PRPF6: variants seen among roughly 807,000 people sequenced by gnomAD.
PRPF6 encodes the protein pre-mRNA processing factor 6.
In PRPF6, 42 loss-of-function variants were observed where a neutral mutation model predicts 118.3. That is an observed-to-expected ratio of 0.35 (90% CI 0.28 to 0.46). The LOEUF (loss-of-function observed/expected upper bound fraction) is 0.46, where lower values mean the gene tolerates loss of function less well. Ranked by LOEUF, PRPF6 falls within the 20% of genes least tolerant of loss-of-function variation. The probability of loss-of-function intolerance (pLI) is 1.00; values close to 1 mark genes in which losing one functional copy is unlikely to be tolerated. For synonymous variants in PRPF6, 481 were observed against 485.1 expected, an observed-to-expected ratio of 0.99 and a Z score of 0.11; for missense variants, 662 against 1,255.7, an observed-to-expected ratio of 0.53 and a Z score of 7.15.
At chr20:63,994,641 C>T (rs149884168) in intron 4 of PRPF6, among the ~76,000 whole-genome samples, 28 of 152,236 alleles carry the variant, frequency 1.8e-4, no homozygotes, top group African/African-American at 6.7e-4. Context: ...CATGGTGGCC[C>T]ACGCTTGTGG....
In PRPF6 at chr20:64,028,100, T is replaced by C. The variant is rs989116494; in HGVS notation, c.2339+364T>C. On this transcript the variant is annotated intron_variant, in intron 17 of 20. Coordinates refer to ENST00000266079, the MANE Select transcript of PRPF6 (RefSeq NM_012469.4). The surrounding 1 kb of genome is among the most constrained non-coding windows in gnomAD (Gnocchi z 6.5). ...ACAGGAGCCTGCTAGGTGCAGGCTC[T>C]GTTCATGGAGGTGCTGCGTCCAGCT... Among the ~76,000 whole-genome samples the C allele has an allele frequency of 1.3e-5, 2 of 152,160 alleles. No individual in the cohort carries two copies. The highest frequency in any genetic ancestry group is 4.8e-5 in the African/African-American group (2 of 41,430).
intron 13 of PRPF6, among the ~76,000 whole-genome samples, chr20:64,023,587 T>G (rs750691248): frequency 3.4e-5 from 5 of 149,062 alleles, no homozygotes; most frequent in African/African-American, 5.0e-5. Context: ...CTGGTGTGAT[T>G]TAATCTCAGC....
intron 20 of PRPF6, among the ~76,000 whole-genome samples, chr20:64,032,464 G>A (rs757486221): frequency 2.6e-5 from 4 of 152,114 alleles, no homozygotes; most frequent in East Asian, 1.9e-4. Flanking sequence ...AGAGCCAAGC[G>A]TTGTCTGAGC....
At chr20:64,023,122 C>T (rs760989441) in intron 13 of PRPF6, among the ~76,000 whole-genome samples, 1 of 152,194 alleles carries the variant, frequency 6.6e-6, no homozygotes, top group African/African-American at 2.4e-5. Flanking sequence ...CCCGGGGGCC[C>T]GTCCTGCTAA....
At chr20:64,008,164 A>G (rs2059199001) in intron 9 of PRPF6, among the ~76,000 whole-genome samples, 1 of 152,226 alleles carries the variant, frequency 6.6e-6, no homozygotes, top group African/African-American at 2.4e-5. Flanking sequence ...GGGCACATGC[A>G]TGCATAACCA....
chr20:63,986,599 C>G (rs187236745), intron 3 of PRPF6, among the ~76,000 whole-genome samples: 3,575 of 150,706 alleles, frequency 0.024, 142 homozygotes, highest in African/African-American at 0.083. Flanking sequence ...AGTGATTCTC[C>G]TGCCTCAGCC....
At chr20:63,990,201 G>A (rs1288983623) in intron 3 of PRPF6, among the ~76,000 whole-genome samples, 1 of 152,180 alleles carries the variant, frequency 6.6e-6, no homozygotes, top group Non-Finnish European at 1.5e-5. Context: ...TAAACTTGCT[G>A]CCTCGAGGAC....
intron 3 of PRPF6, among the ~76,000 whole-genome samples, chr20:63,989,953 A>C (rs2059111266): frequency 6.6e-6 from 1 of 152,108 alleles, no homozygotes; most frequent in South Asian, 2.1e-4. Flanking sequence ...TCCCAGGCTC[A>C]AGTGATTCTT....
intron 3 of PRPF6, among the ~76,000 whole-genome samples, chr20:63,988,774 C>T (rs2059105982): frequency 6.6e-6 from 1 of 151,246 alleles, no homozygotes; most frequent in Non-Finnish European, 1.5e-5. Context: ...GAGGCTGAGG[C>T]AGGAGAATCA....
chr20:63,984,437 T>A (rs1463173990), intron 2 of PRPF6, among the ~76,000 whole-genome samples: 3 of 151,106 alleles, frequency 2.0e-5, no homozygotes, highest in East Asian at 3.9e-4. Context: ...AAAAAAAAAA[T>A]TAGTTTTGAA....
At chr20:64,025,867 TTTGA>T in intron 14 of PRPF6, 68 bp from the exon 15 acceptor site, 1 of 1,611,810 alleles carries the variant, frequency 6.2e-7, no homozygotes. Flanking sequence ...CCTGCCTGCT[TTTGA>T]TTAAGTGTGA....
At position 63,999,596 on chromosome 20, in the gene PRPF6, C is replaced by G. The variant is rs2059157274; in HGVS notation, c.867-7C>G. The G allele has an allele frequency of 1.2e-6, 2 of 1,613,998 alleles. No homozygotes were observed. The highest frequency in any genetic ancestry group is 1.7e-6 in the Non-Finnish European group (2 of 1,180,040). ...GCCTGATGCCGTGTGCACTCTCCCTCTCATAGTGATATCAAGAAGGCGCGA... is the reference window on the plus strand; with the variant it reads ...GCCTGATGCCGTGTGCACTCTCCCTGTCATAGTGATATCAAGAAGGCGCGA... On this transcript the variant is annotated splice_region_variant and splice_polypyrimidine_tract_variant and intron_variant, in intron 7 of 20. Transcript: ENST00000266079.
intron 12 of PRPF6, among the ~76,000 whole-genome samples, chr20:64,018,348 G>T (rs760757648): frequency 6.6e-6 from 1 of 152,032 alleles, no homozygotes; most frequent in African/African-American, 2.4e-5. Context: ...TGAGGACCAC[G>T]GGCCAGTGAT....
Position 64,026,167 on chromosome 20 carries a change from GACC to G in PRPF6, c.2028+112_2028+114del, listed in dbSNP as rs2059289551. On this transcript the variant is annotated intron_variant, in intron 15 of 20. Transcript: ENST00000266079. This position sits in a 1 kb window ranked among gnomAD's most constrained non-coding sequence, Gnocchi z 4.4. Reference sequence around the variant, plus strand: ...GAGTGAGATGACGGCAGGCAAACGAGACCACAGCACACTCATCTTTGTGATGTG... The same window carrying G: ...GAGTGAGATGACGGCAGGCAAACGAGACAGCACACTCATCTTTGTGATGTG... 3 of 1,539,230 alleles carry G rather than the reference GACC, an allele frequency of 1.9e-6. No homozygotes were observed. In the African/African-American group the frequency reaches 4.1e-5, roughly 21 times the overall value.
In PRPF6 at chr20:64,016,144, C is replaced by T. The variant is rs571626825; in HGVS notation, c.1525-579C>T. On this transcript the variant is annotated intron_variant, in intron 11 of 20. Transcript: ENST00000266079. The stretch of plus-strand genomic sequence containing the variant: ...CTCTCTTTTTTTTTTTTTTCTGAGA[C>T]GTAGTCTTGCTCCGTTGCCCAGGCT... Among the ~76,000 whole-genome samples the T allele has an allele frequency of 1.4e-4, 21 of 149,758 alleles. No homozygotes were observed. In the South Asian group the frequency reaches 1.5e-3, roughly 10 times the overall value.
chr20:64,010,267 T>C lies in PRPF6; in HGVS notation c.1254T>C (p.Asp418=). 1 of 1,614,166 alleles carries C rather than the reference T, an allele frequency of 6.2e-7. No individual in the cohort carries two copies. Among genetic ancestry groups the C allele is most frequent in the Non-Finnish European group, 8.5e-7 (1 of 1,180,038 alleles). ...CCGTTGAGCTGGAAGAACCTGAAGA[T>C]GCTAGAATCATGCTGAGCCGAGCTG... ...KAAVELEEPE[D]ARIMLSRAVE... Residue 418 remains aspartate (D), a synonymous_variant, in exon 10 of 21, where the codon GAT becomes GAC. Transcript: ENST00000266079.
intron 9 of PRPF6, among the ~76,000 whole-genome samples, chr20:64,009,392 T>G (rs548782698): frequency 2.0e-5 from 3 of 151,634 alleles, no homozygotes; most frequent in Admixed American, 2.0e-4. Flanking sequence ...TCTTCACAAG[T>G]GCATGCACCC....
intron 6 of PRPF6, among the ~76,000 whole-genome samples, chr20:63,998,758 C>T (rs1297919074): frequency 2.7e-5 from 4 of 150,356 alleles, no homozygotes; most frequent in East Asian, 2.0e-4. Flanking sequence ...AGGAGGATGG[C>T]GTGAACCTGG....
chr20:63,985,032 G>T lies in PRPF6; in HGVS notation c.359+7G>T, dbSNP rs762663361. On this transcript the variant is annotated splice_region_variant and intron_variant, in intron 3 of 20. Coordinates refer to ENST00000266079, the MANE Select transcript of PRPF6 (RefSeq NM_012469.4). ...AAAGAAGAAAAGAAAGACGGTAAAAGAAATTGTTGCCTTTCACAATATTTA... is the reference window on the plus strand; with the variant it reads ...AAAGAAGAAAAGAAAGACGGTAAAATAAATTGTTGCCTTTCACAATATTTA... 5.6e-6 allele frequency: 9 copies of T among 1,607,676 alleles called. No homozygotes were observed. The highest frequency in any genetic ancestry group is 6.8e-6 in the Non-Finnish European group (8 of 1,175,368).
Sources: allele counts gnomAD v4.1 joint callset (sites outside exome capture counted in the v4.1 genomes callset), GRCh38; gene constraint gnomAD v4.1.1; non-coding constraint Gnocchi (gnomAD v3.1); transcripts MANE v1.5; gene names NCBI Gene and HGNC (gene_info 2026-07-23, HGNC 2026-07-21).